Variants in KRT40 observed in about 807,000 individuals in gnomAD.
KRT40 encodes keratin 40, also known as keratin, type I cytoskeletal 40.
A neutral mutation model predicts 43.5 loss-of-function variants in KRT40; 47 were observed. The observed-to-expected ratio is 1.08, with a 90% CI of 0.86 to 1.38. The LOEUF is 1.38. Among genes scored for constraint, KRT40 ranks in the 40% most tolerant of loss-of-function variants. KRT40 has a pLI of 0.00. For missense variants in KRT40, 573 were observed against 523.6 expected (o/e 1.09, Z -0.92); for synonymous variants, 212 against 214.0 (o/e 0.99, Z 0.08).
intron 6 of KRT40, 97 bp downstream of exon 6, chr17:40,978,707 G>T: frequency 1.0e-6 from 1 of 989,344 alleles, no homozygotes; most frequent in Non-Finnish European, 1.5e-6. Context: ...AACACACTGG[G>T]GAGGTCTGAA....
At chr17:40,983,235 A>C (rs1289856797) in intron 1 of KRT40, 107 bp from the exon 2 acceptor site, 1 of 550,978 alleles carries the variant, frequency 1.8e-6, no homozygotes, top group Admixed American at 2.9e-5. Context: ...TTTATAAGAA[A>C]GTATAAAATC....
rs2077700140 is a variant in KRT40 at position 40,984,284 on chromosome 17, G to A, written c.-11C>T. On this transcript the variant is annotated 5_prime_UTR_variant, in exon 1 of 7. Transcript: ENST00000377755. ...GCAGTCAGAAGTCATCCTTCCAGAAGCAAAGACAGAGACTGGCTGCAAAAC... is the reference window on the plus strand; with the variant it reads ...GCAGTCAGAAGTCATCCTTCCAGAAACAAAGACAGAGACTGGCTGCAAAAC... 10 of 1,589,874 alleles carry A rather than the reference G, an allele frequency of 6.3e-6. No homozygotes were observed. Among genetic ancestry groups the A allele is most frequent in the Non-Finnish European group, 8.6e-6 (10 of 1,163,646 alleles).
At chr17:40,981,866 TTTTGTTTG>T (rs3067651) in intron 3 of KRT40, among the ~76,000 whole-genome samples, 13 of 149,876 alleles carry the variant, frequency 8.7e-5, no homozygotes, top group South Asian at 4.3e-4. Flanking sequence ...CTCGAGTAGT[TTTTGTTTG>T]TTTGTTTGTT....
chr17:40,980,535 T>C (rs1436571828), intron 5 of KRT40, among the ~76,000 whole-genome samples: 1 of 152,200 alleles, frequency 6.6e-6, no homozygotes, highest in Non-Finnish European at 1.5e-5. Flanking sequence ...CCCGGAGGTT[T>C]CTCTCCAGCT....
upstream of KRT40, among the ~76,000 whole-genome samples, chr17:40,985,137 C>T (rs894174779): frequency 2.6e-5 from 4 of 152,136 alleles, no homozygotes; most frequent in Admixed American, 2.6e-4. Flanking sequence ...GATTATACTT[C>T]AGAGTAGGGG....
chr17:40,980,967 A>AT (rs768252244), intron 4 of KRT40, 23 bp downstream of exon 4: 5 of 1,613,934 alleles, frequency 3.1e-6, no homozygotes, highest in African/African-American at 1.3e-5. Flanking sequence ...TAAGCCTGAC[A>AT]TTTTTTCAAT....
intron 2 of KRT40, 48 bp from the exon 3 acceptor site, chr17:40,982,511 G>A (rs755678899): frequency 6.8e-7 from 1 of 1,459,970 alleles, no homozygotes; most frequent in South Asian, 1.5e-5. Flanking sequence ...TGAACGCTGT[G>A]CAAAGTGTGG....
At position 40,984,309 on chromosome 17, in the gene KRT40, C is replaced by T. The variant is rs1912359190; in HGVS notation, c.-36G>A. 6.6e-7 allele frequency: 1 copy of T among 1,511,452 alleles called. No homozygotes were observed. The highest frequency in any genetic ancestry group is 9.0e-7 in the Non-Finnish European group (1 of 1,108,672). The allele number at this position is 1,511,452 out of a possible 1,614,324, so 93.6% of individuals were successfully genotyped here. On this transcript the variant is annotated 5_prime_UTR_variant, in exon 1 of 7. Coordinates refer to ENST00000377755, the MANE Select transcript of KRT40 (RefSeq NM_001389244.1). ...GCAAAGACAGAGACTGGCTGCAAAA[C>T]TTCAGTTGCCTTGACTCCAAAACTC...
At chr17:40,981,258 A>C (rs1301232633) in intron 3 of KRT40, 107 bp from the exon 4 acceptor site, 2 of 1,586,726 alleles carry the variant, frequency 1.3e-6, no homozygotes, top group Non-Finnish European at 8.5e-7. Flanking sequence ...TAAAAGTGTG[A>C]GATTTTGATT....
In KRT40 at chr17:40,981,072, C is replaced by T. The variant is rs767052002; in HGVS notation, c.767G>A (p.Arg256Lys). Residue 256 changes from arginine to lysine, a missense_variant, in exon 4 of 7, where the codon AGG (arginine) becomes AAG (lysine). Physicochemically the swap from Arg to Lys is conservative, Grantham distance 26. Coordinates refer to ENST00000377755, the MANE Select transcript of KRT40 (RefSeq NM_001389244.1). ...CTGACAGCGCATCTCATCCAGGACC[C>T]TGTTGAGGTCAAGGGTGGGGGCAGT... ...LDTAPTLDLN[R>K]VLDEMRCQCE... 1 of 1,614,234 alleles carries T rather than the reference C, an allele frequency of 6.2e-7. No individual in the cohort carries two copies. The highest frequency in any genetic ancestry group is 8.5e-7 in the Non-Finnish European group (1 of 1,180,046).
chr17:40,981,394 C>T (rs1912143604), intron 3 of KRT40: 2 of 723,328 alleles, frequency 2.8e-6, no homozygotes, highest in East Asian at 2.7e-5. Flanking sequence ...AGTCAATCTA[C>T]ACATAATTAA....
rs368920538 is a variant in KRT40, at chr17:40,981,728, A to T, written c.688-577T>A. Among the ~76,000 whole-genome samples the T allele has an allele frequency of 3.0e-4, 45 of 152,258 alleles. No homozygotes were observed. In the East Asian group the frequency reaches 6.2e-3, roughly 21 times the overall value. On this transcript the variant is annotated intron_variant, in intron 3 of 6. Coordinates refer to ENST00000377755, the MANE Select transcript of KRT40 (RefSeq NM_001389244.1). Reference sequence around the variant, plus strand: ...AAGCCTCCAAAGGAAGCCATTTGTGAAGTTACCTCCTCCACAAAGGCAAGG... The same window carrying T: ...AAGCCTCCAAAGGAAGCCATTTGTGTAGTTACCTCCTCCACAAAGGCAAGG...
At chr17:40,986,919 T>C (rs1912494328), upstream of KRT40, 3 of 152,214 alleles carry the variant, frequency 2.0e-5, no homozygotes. Flanking sequence ...GGTGCCAATT[T>C]ACCTTTCTGG....
chr17:40,986,971 G>T (rs1293071700), upstream of KRT40: 1 of 152,134 alleles, frequency 6.6e-6, no homozygotes, highest in African/African-American at 2.4e-5. Context: ...CTAAGCTCCA[G>T]CCATCCTTCA....
chr17:40,982,921 C>G, intron 2 of KRT40, 125 bp downstream of exon 2: 1 of 507,448 alleles, frequency 2.0e-6, no homozygotes, highest in Non-Finnish European at 3.4e-6. Context: ...GGCAGGAGAA[C>G]CACTTGAACC....
At chr17:40,983,793 G>C (rs1396056309) in intron 1 of KRT40, 34 bp downstream of exon 1, 1 of 1,592,490 alleles carries the variant, frequency 6.3e-7, no homozygotes, top group Admixed American at 1.7e-5. Context: ...CCATAGATCA[G>C]GAAGGTGGAG....
upstream of KRT40, among the ~76,000 whole-genome samples, chr17:40,984,703 C>A (rs17843014): frequency 0.28 from 43,295 of 152,036 alleles, 6,694 homozygotes; most frequent in African/African-American, 0.39. Context: ...CTTGTGTCCC[C>A]TTTTAAAATT....
At chr17:40,986,194 A>G (rs1398791460), upstream of KRT40, 6 of 152,416 alleles carry the variant, frequency 3.9e-5, no homozygotes, top group Admixed American at 3.9e-4. Flanking sequence ...GCAGCGCACC[A>G]GTATGGCACA....
chr17:40,983,888 A>G lies in KRT40; in HGVS notation c.386T>C (p.Ile129Thr), dbSNP rs199823333. Residue 129 changes from isoleucine to threonine, a missense_variant, in exon 1 of 7, where the codon ATC becomes ACC. Physicochemically the swap from Ile to Thr is moderately conservative, Grantham distance 89 (BLOSUM62 -1). Coordinates refer to ENST00000377755, the MANE Select transcript of KRT40 (RefSeq NM_001389244.1). ...CTGATAATCCGGGCACACCATTGGGATATCCTGTTCACATTGTTCTTGGAT... is the reference window on the plus strand; with the variant it reads ...CTGATAATCCGGGCACACCATTGGGGTATCCTGTTCACATTGTTCTTGGAT... ...SRIQEQCEQD[I>T]PMVCPDYQRY... 4.3e-6 allele frequency: 7 copies of G among 1,614,132 alleles called. No homozygotes were observed. In the East Asian group the frequency reaches 1.6e-4, roughly 36 times the overall value.
Sources: gnomAD v4.1 joint callset for allele counts (sites outside exome capture counted in the v4.1 genomes callset) on GRCh38, gnomAD v4.1.1 for gene constraint, MANE v1.5 for transcripts, NCBI Gene and HGNC (gene_info 2026-07-23, HGNC 2026-07-21) for gene names.